The following SEMA4B variants were observed in gnomAD, a reference collection of about 807,000 sequenced individuals.
SEMA4B encodes the protein semaphorin 4B, also known as semaphorin-4B.
SEMA4B carries 55 observed loss-of-function variants against 88.1 expected under a neutral mutation model. That is an observed-to-expected ratio of 0.62 (90% CI 0.50 to 0.78). The LOEUF (loss-of-function observed/expected upper bound fraction) is 0.78. Ranked by LOEUF, SEMA4B falls within the 30% of genes least tolerant of loss-of-function variation. The pLI is 0.00. For synonymous variants in SEMA4B, 525 were observed against 473.6 expected (o/e 1.11, Z -1.41); for missense variants, 1,062 against 1,111.9 (o/e 0.96, Z 0.64).
chr15:90,206,575 C>T (rs188795127), intron 1 of SEMA4B: 211 of 518,556 alleles, frequency 4.1e-4, no homozygotes, highest in Non-Finnish European at 5.8e-4. Flanking sequence ...CTGCCATGGC[C>T]GAGGAAGGCA....
In SEMA4B at chr15:90,229,398, C is replaced by T. The variant is rs1962389294; in HGVS notation, c.*755C>T. The T allele has an allele frequency of 2.2e-6, 1 of 456,684 alleles. No individual in the cohort carries two copies. Among genetic ancestry groups the T allele is most frequent in the Non-Finnish European group, 4.4e-6 (1 of 226,984 alleles). 28.3% of individuals were successfully genotyped at this position (456,684 alleles called of 1,614,324 possible). On this transcript the variant is annotated 3_prime_UTR_variant, in exon 14 of 14. Transcript: ENST00000411539. ...CAGGGAAGAGACTGTCGCCTGCCTT[C>T]CTCCGTTGTTGCGTGAGAACCCGTG...
chr15:90,208,838 C>T (rs1961120335), intron 1 of SEMA4B, among the ~76,000 whole-genome samples: 1 of 151,800 alleles, frequency 6.6e-6, no homozygotes, highest in Non-Finnish European at 1.5e-5. Context: ...ACCTCCCAGG[C>T]TTAAGCGATC....
At chr15:90,185,359 C>T (rs1041078875) in intron 1 of SEMA4B, among the ~76,000 whole-genome samples, 22 of 152,246 alleles carry the variant, frequency 1.4e-4, no homozygotes, top group Non-Finnish European at 2.4e-4. Flanking sequence ...ACCCCTACTC[C>T]TAAACCCGGG....
chr15:90,214,646 A>G (rs1961442680), intron 1 of SEMA4B, among the ~76,000 whole-genome samples: 1 of 151,578 alleles, frequency 6.6e-6, no homozygotes, highest in South Asian at 2.1e-4. Flanking sequence ...AAAAAAAAAA[A>G]AAAAAAAAGG....
At chr15:90,193,384 G>C (rs181338649) in intron 1 of SEMA4B, 7 of 152,294 alleles carry the variant, frequency 4.6e-5, no homozygotes, top group African/African-American at 1.2e-4. Flanking sequence ...GCGTGGATTC[G>C]AGGGCTCTTC....
At chr15:90,227,863 G>A in intron 13 of SEMA4B, 41 bp from the exon 14 acceptor site, 1 of 1,603,674 alleles carries the variant, frequency 6.2e-7, no homozygotes, top group African/African-American at 1.3e-5. Context: ...AGCTACTGTG[G>A]ACGCTGGCAC....
Position 90,227,608 on chromosome 15 carries a change from G to A in SEMA4B, c.1740G>A (p.Ala580=), listed in dbSNP as rs1371137432. The change falls in exon 13 of 14, where the codon GCG becomes GCA. Residue 580 remains alanine (A), a synonymous_variant. Transcript: ENST00000411539. ...EGASAKDLCS[A]SSVVSPSFVP... ...CCAGCGCCAAGGACCTTTGCAGCGCGTCTTCGGTTGTGTCCCCGTCTTTTG... is the reference window on the plus strand; with the variant it reads ...CCAGCGCCAAGGACCTTTGCAGCGCATCTTCGGTTGTGTCCCCGTCTTTTG... 19 of 1,614,050 alleles carry A rather than the reference G, an allele frequency of 1.2e-5. No homozygotes were observed. The highest frequency in any genetic ancestry group is 1.7e-5 in the Admixed American group (1 of 60,024).
chr15:90,225,298 C>T lies in SEMA4B; in HGVS notation c.1422C>T (p.His474=), dbSNP rs1225938372. Residue 474 remains histidine, a synonymous_variant, in exon 11 of 14, where the codon CAC becomes CAT. Coordinates refer to ENST00000411539, the MANE Select transcript of SEMA4B (RefSeq NM_198925.4). ...ACACCCCAGGTGACGGCCGGCTCCA[C>T]AAGGCAGTGAGCGTGGGCCCCCGGG... is the stretch of plus-strand genomic sequence containing the variant. ...LFLGTGDGRL[H]KAVSVGPRVH... 4 of 1,558,664 alleles carry T rather than the reference C, an allele frequency of 2.6e-6. No individual in the cohort carries two copies. The highest frequency in any genetic ancestry group is 1.7e-6 in the Non-Finnish European group (2 of 1,151,714).
At chr15:90,199,597 C>T (rs1191550272), upstream of SEMA4B, among the ~76,000 whole-genome samples, 2 of 151,988 alleles carry the variant, frequency 1.3e-5, no homozygotes, top group African/African-American at 4.8e-5. Context: ...GAGGCCAAGG[C>T]AGGTGGATCA....
chr15:90,220,693 C>T (rs1256751384), intron 4 of SEMA4B, among the ~76,000 whole-genome samples: 5 of 152,012 alleles, frequency 3.3e-5, no homozygotes, highest in Non-Finnish European at 7.4e-5. Context: ...TTCTAAGCCT[C>T]ACCTCCTCCG....
In SEMA4B at chr15:90,225,687, G is replaced by T; in HGVS notation, c.1548G>T (p.Ser516=). ...GGCTGCTGTATGCGGCCTCACACTC[G>T]GGCGTAGTCCAGGTGCCCATGGCCA... ...HRGLLYAASH[S]GVVQVPMANC... Residue 516 remains serine (S), a synonymous_variant, in exon 12 of 14, where the codon TCG becomes TCT. Transcript: ENST00000411539. 4.5e-6 allele frequency: 7 copies of T among 1,567,648 alleles called. No individual in the cohort carries two copies. The South Asian group carries it at 7.0e-5, about 16-fold the overall frequency.
intron 1 of SEMA4B, chr15:90,214,929 G>T: frequency 8.1e-7 from 1 of 1,238,214 alleles, no homozygotes; most frequent in Non-Finnish European, 1.1e-6. Context: ...CACCCTTTAT[G>T]GAACCAGGCT....
At chr15:90,222,500 G>A (rs1961912239) in intron 7 of SEMA4B, among the ~76,000 whole-genome samples, 1 of 151,820 alleles carries the variant, frequency 6.6e-6, no homozygotes, top group Non-Finnish European at 1.5e-5. Flanking sequence ...AACCTGGGAG[G>A]TGGAGGTTGC....
chr15:90,225,871 CA>C lies in SEMA4B; in HGVS notation c.1688+45del. On this transcript the variant is annotated intron_variant, in intron 12 of 13. Coordinates refer to ENST00000411539, the MANE Select transcript of SEMA4B (RefSeq NM_198925.4). ...CCCTTCCCATCTGTCCAGCCCTGCA[CA>C]GGTGACCTCGGAGCACCATCCTGGG... The C allele has an allele frequency of 5.6e-6, 8 of 1,428,382 alleles. No homozygotes were observed. The South Asian group carries it at 6.0e-5, about 11-fold the overall frequency. 88.5% of individuals were successfully genotyped at this position (1,428,382 alleles called of 1,614,324 possible).
intron 1 of SEMA4B, among the ~76,000 whole-genome samples, chr15:90,208,005 C>T (rs2151601749): frequency 6.6e-6 from 1 of 152,284 alleles, no homozygotes; most frequent in Non-Finnish European, 1.5e-5. Context: ...ATAATCCCAG[C>T]ACTTTGGGAG....
At position 90,229,578 on chromosome 15, in the gene SEMA4B, T is replaced by C; in HGVS notation, c.*935T>C. The C allele has an allele frequency of 3.0e-6, 1 of 336,244 alleles. No homozygotes were observed. The highest frequency in any genetic ancestry group is 5.9e-6 in the Non-Finnish European group (1 of 170,004). 20.8% of individuals were successfully genotyped at this position (336,244 alleles called of 1,614,324 possible). On this transcript the variant is annotated 3_prime_UTR_variant, in exon 14 of 14. Coordinates refer to ENST00000411539, the MANE Select transcript of SEMA4B (RefSeq NM_198925.4). Reference sequence around the variant, plus strand: ...TCAACACTGCCCAGCACAGGGGCCCTGAATTTATGTGGTTTTTATACATTT... The same window carrying C: ...TCAACACTGCCCAGCACAGGGGCCCCGAATTTATGTGGTTTTTATACATTT...
At chr15:90,203,417 T>C (rs370695643) in intron 1 of SEMA4B, among the ~76,000 whole-genome samples, 8 of 152,178 alleles carry the variant, frequency 5.3e-5, no homozygotes, top group East Asian at 1.9e-4. Flanking sequence ...ACTCCACTTA[T>C]GGCCTTGGGA....
At chr15:90,199,995 A>T (rs1293151617), upstream of SEMA4B, among the ~76,000 whole-genome samples, 1 of 152,200 alleles carries the variant, frequency 6.6e-6, no homozygotes, top group Admixed American at 6.5e-5. Flanking sequence ...TCCATATCCC[A>T]TGTGGAATTC....
chr15:90,209,549 G>A lies in SEMA4B; in HGVS notation c.157+7814G>A, dbSNP rs541810857. On this transcript the variant is annotated intron_variant, in intron 1 of 13. Transcript: ENST00000411539. ...CATGCCATTGCACTCTAGCCTGGGC[G>A]ACAGAGCAAGACTGTCTTAAAAAAA... Among the ~76,000 whole-genome samples, 104 of 151,996 alleles carry A rather than the reference G, an allele frequency of 6.8e-4. 2 individuals carry two copies. In the South Asian group the frequency reaches 0.021, roughly 30 times the overall value.
Sources: allele counts gnomAD v4.1 joint callset (sites outside exome capture counted in the v4.1 genomes callset), GRCh38; gene constraint gnomAD v4.1.1; transcripts MANE v1.5; gene names NCBI Gene and HGNC (gene_info 2026-07-23, HGNC 2026-07-21).